TLR8: variants seen among roughly 807,000 people sequenced by gnomAD.
The protein encoded by TLR8 is toll like receptor 8, also known as toll-like receptor 8.
Under a neutral mutation model 18.5 loss-of-function variants are expected in TLR8, and 5 were observed. That is an observed-to-expected ratio of 0.27 (90% confidence interval 0.14 to 0.57). TLR8 has a LOEUF of 0.57. Ranked by LOEUF, TLR8 falls within the 20% of genes least tolerant of loss-of-function variation. TLR8 has a pLI of 0.92. For synonymous variants in TLR8, 299 were observed against 300.1 expected (o/e 1.00, Z 0.04); for missense variants, 543 against 769.8 (o/e 0.71, Z 3.49).
At position 12,907,963 on chromosome X, in the gene TLR8, C is replaced by T. The variant is rs150882339; in HGVS notation, c.3+1254C>T. 4.7e-3 allele frequency among the ~76,000 whole-genome samples: 528 copies of T among 112,515 alleles called. 4 individuals are homozygous for T. Among genetic ancestry groups the T allele is most frequent in the African/African-American group, 0.015 (478 of 31,013 alleles). On this transcript the variant is annotated intron_variant, in intron 1 of 1. Coordinates refer to ENST00000218032, the MANE Select transcript of TLR8 (RefSeq NM_138636.5). The stretch of plus-strand genomic sequence containing the variant: ...AATTCGGTCAACTGGGCCAATGACA[C>T]ATATGGGATTGCAGTTGAAATTATC...
intron 1 of TLR8, among the ~76,000 whole-genome samples, chrX:12,907,767 T>C (rs1327838247): frequency 9.0e-6 from 1 of 110,697 alleles, no homozygotes; most frequent in Non-Finnish European, 1.9e-5. Flanking sequence ...CCTCAGGTGA[T>C]CCGCCTGTCT....
At position 12,911,054 on chromosome X, in the gene TLR8, C is replaced by A. The variant is rs138362730; in HGVS notation, c.3+4345C>A. Among the ~76,000 whole-genome samples the A allele has an allele frequency of 1.3e-3, 143 of 110,213 alleles. 1 individual carries two copies. Among genetic ancestry groups the A allele is most frequent in the African/African-American group, 4.6e-3 (140 of 30,197 alleles). Reference sequence around the variant, plus strand: ...AGTGAAAGATCTGGACCACGAAGACCCAGTCATCCTCATAAGGGTGTTCAT... The same window carrying A: ...AGTGAAAGATCTGGACCACGAAGACACAGTCATCCTCATAAGGGTGTTCAT... On this transcript the variant is annotated intron_variant, in intron 1 of 1. Transcript: ENST00000218032.
At position 12,922,070 on chromosome X, in the gene TLR8, A is replaced by G; in HGVS notation, c.3030A>G (p.Ala1010=). The G allele has an allele frequency of 1.7e-6, 2 of 1,211,816 alleles. No individual in the cohort carries two copies. Among genetic ancestry groups the G allele is most frequent in the Non-Finnish European group, 2.2e-6 (2 of 895,525 alleles). Residue 1010 remains alanine (A), a synonymous_variant, in exon 2 of 2, where the codon GCA becomes GCG. Transcript: ENST00000218032. ...SILQWPDNPK[A]EGLFWQTLRN... is the part of the protein sequence containing the mutation. ...TCCAGTGGCCTGACAACCCGAAGGC[A>G]GAAGGCTTGTTTTGGCAAACTCTGA... is the stretch of plus-strand genomic sequence containing the variant.
chrX:12,906,781 G>T (rs1241032441), intron 1 of TLR8, 72 bp downstream of exon 1: 3 of 922,854 alleles, frequency 3.3e-6, no homozygotes, highest in Non-Finnish European at 2.9e-6. Context: ...AATCTGGGTT[G>T]GTGGCAAATG....
intron 1 of TLR8, among the ~76,000 whole-genome samples, chrX:12,913,573 G>C (rs776231606): frequency 8.9e-6 from 1 of 112,486 alleles, no homozygotes; most frequent in South Asian, 3.6e-4. Flanking sequence ...ACATAATATC[G>C]TTTATTTACC....
Position 12,922,124 on chromosome X carries a change from A to G in TLR8, c.3084A>G (p.Ser1028=), listed in dbSNP as rs1450055616. 8.3e-6 allele frequency: 10 copies of G among 1,207,195 alleles called. No individual in the cohort carries two copies. The highest frequency in any genetic ancestry group is 3.0e-5 in the East Asian group (1 of 33,752). The stretch of plus-strand genomic sequence containing the variant: ...ATGTGGTCTTGACTGAAAATGATTC[A>G]CGGTATAACAATATGTATGTCGATT... ...LRNVVLTEND[S]RYNNMYVDSI... Residue 1028 remains serine, a synonymous_variant, in exon 2 of 2, where the codon TCA becomes TCG. Coordinates refer to ENST00000218032, the MANE Select transcript of TLR8 (RefSeq NM_138636.5).
intron 1 of TLR8, among the ~76,000 whole-genome samples, chrX:12,914,288 A>G (rs913332630): frequency 8.9e-6 from 1 of 111,939 alleles, no homozygotes; most frequent in African/African-American, 3.3e-5. Context: ...TAGGAAAAAG[A>G]TGAGAAAATT....
In TLR8 at chrX:12,919,098, G is replaced by A; in HGVS notation, c.58G>A (p.Gly20Ser). The A allele has an allele frequency of 8.3e-7, 1 of 1,210,834 alleles. No homozygotes were observed. Among genetic ancestry groups the A allele is most frequent in the South Asian group, 1.8e-5 (1 of 56,796 alleles). ...MLTCIFLLIS[G>S]SCELCAEENF... ...GACCTGCATTTTCCTGCTAATATCT[G>A]GTTCCTGTGAGTTATGCGCCGAAGA... The change falls in exon 2 of 2, where the codon GGT (glycine) becomes AGT (serine). Residue 20 changes from glycine to serine, a missense_variant. Transcript: ENST00000218032.
intron 1 of TLR8, among the ~76,000 whole-genome samples, chrX:12,913,622 T>C (rs995252549): frequency 1.8e-5 from 2 of 112,961 alleles, no homozygotes; most frequent in Admixed American, 1.9e-4. Context: ...ATTTCCGGTC[T>C]TTTGCTATTG....
chrX:12,909,408 A>G (rs1465907966), intron 1 of TLR8, among the ~76,000 whole-genome samples: 1 of 112,343 alleles, frequency 8.9e-6, no homozygotes, highest in Non-Finnish European at 1.9e-5. Context: ...CCCCTGCTAT[A>G]AGACACAGTA....
chrX:12,919,814 G>C lies in TLR8; in HGVS notation c.774G>C (p.Pro258=). 4 of 1,210,636 alleles carry C rather than the reference G, an allele frequency of 3.3e-6. No individual in the cohort carries two copies. Among genetic ancestry groups the C allele is most frequent in the Non-Finnish European group, 4.5e-6 (4 of 894,448 alleles). Residue 258 remains proline, a synonymous_variant, in exon 2 of 2, where the codon CCG becomes CCC. Transcript: ENST00000218032. ...LTLLDLSGNC[P]RCFNAPFPCV... ...TACTAGATTTAAGCGGGAACTGTCC[G>C]AGGTGCTTCAATGCCCCATTTCCAT...
At chrX:12,907,261 G>T (rs2042991049) in intron 1 of TLR8, among the ~76,000 whole-genome samples, 1 of 112,315 alleles carries the variant, frequency 8.9e-6, no homozygotes, top group Admixed American at 9.4e-5. Context: ...AAAAAACTGT[G>T]ATTACTTTTC....
intron 1 of TLR8, among the ~76,000 whole-genome samples, chrX:12,909,419 A>C (rs754464014): frequency 8.9e-6 from 1 of 112,426 alleles, no homozygotes; most frequent in East Asian, 2.8e-4. Context: ...AGACACAGTA[A>C]TATAAATACA....
At chrX:12,910,009 CTT>C (rs891397463) in intron 1 of TLR8, among the ~76,000 whole-genome samples, 2 of 112,138 alleles carry the variant, frequency 1.8e-5, no homozygotes, top group Admixed American at 9.4e-5. Context: ...GTCATGTTTT[CTT>C]TTGTCTTCCA....
At chrX:12,916,840 T>C (rs900285276) in intron 1 of TLR8, among the ~76,000 whole-genome samples, 1 of 110,846 alleles carries the variant, frequency 9.0e-6, no homozygotes, top group African/African-American at 3.3e-5. Context: ...TCAGGTGATT[T>C]CAGTTCCTTG....
intron 1 of TLR8, among the ~76,000 whole-genome samples, chrX:12,913,758 T>C (rs752680503): frequency 8.9e-6 from 1 of 112,313 alleles, no homozygotes; most frequent in African/African-American, 3.2e-5. Flanking sequence ...GTGATAGATA[T>C]TACACATTAC....
In TLR8 at chrX:12,907,198, C is replaced by T. The variant is rs778322896; in HGVS notation, c.3+489C>T. Reference sequence around the variant, plus strand: ...AACCTACTGTTGGAGGCTTAAAGTTCGACATTAATTGCTACTTTTCTTGGT... The same window carrying T: ...AACCTACTGTTGGAGGCTTAAAGTTTGACATTAATTGCTACTTTTCTTGGT... On this transcript the variant is annotated intron_variant, in intron 1 of 1. Transcript: ENST00000218032. Among the ~76,000 whole-genome samples, 4 of 112,324 alleles carry T rather than the reference C, an allele frequency of 3.6e-5. 1 individual carries two copies. The highest frequency in any genetic ancestry group is 7.3e-4 in the South Asian group (2 of 2,731).
chrX:12,913,338 A>C (rs771761234), intron 1 of TLR8, among the ~76,000 whole-genome samples: 209 of 112,078 alleles, frequency 1.9e-3, no homozygotes, highest in Non-Finnish European at 3.0e-3. Flanking sequence ...GACATTCTAC[A>C]TAACCATTTC....
In TLR8 at chrX:12,919,306, T is replaced by C; in HGVS notation, c.266T>C (p.Leu89Pro). 1 of 1,211,298 alleles carries C rather than the reference T, an allele frequency of 8.3e-7. No homozygotes were observed. Among genetic ancestry groups the C allele is most frequent in the Non-Finnish European group, 1.1e-6 (1 of 895,414 alleles). Residue 89 changes from leucine (L) to proline (P), a missense_variant, in exon 2 of 2, where the codon CTC becomes CCC. By Grantham distance (98) the Leu-to-Pro change is moderately conservative (BLOSUM62 -3). Coordinates refer to ENST00000218032, the MANE Select transcript of TLR8 (RefSeq NM_138636.5). The stretch of plus-strand genomic sequence containing the variant: ...GAATCATTTCAAGGGCTGCAAAATC[T>C]CACTAAAATAAATCTAAACCACAAC... ...TNESFQGLQN[L>P]TKINLNHNPN...
Sources: gnomAD v4.1 joint callset for allele counts (sites outside exome capture counted in the v4.1 genomes callset) on GRCh38, gnomAD v4.1.1 for gene constraint, MANE v1.5 for transcripts, NCBI Gene and HGNC (gene_info 2026-07-23, HGNC 2026-07-21) for gene names.